KDM4C: variants seen among roughly 807,000 people sequenced by gnomAD.
KDM4C encodes the protein lysine-specific demethylase 4C.
KDM4C carries 81 observed loss-of-function variants against 129.3 expected under a neutral mutation model. The observed-to-expected ratio is 0.63, with a 90% CI of 0.52 to 0.75. The LOEUF (loss-of-function observed/expected upper bound fraction) is 0.75, where lower values mean the gene tolerates loss of function less well. Among genes scored for constraint, KDM4C ranks in the 30% least tolerant of loss-of-function variants. The pLI is 0.00. For missense variants in KDM4C, 1,457 were observed against 1,304.0 expected (o/e 1.12, Z -1.81); for synonymous variants, 573 against 456.1 (o/e 1.26, Z -3.26).
intron 17 of KDM4C, among the ~76,000 whole-genome samples, chr9:7,080,832 G>A (rs1834440973): frequency 6.6e-6 from 1 of 152,194 alleles, no homozygotes; most frequent in Admixed American, 6.5e-5. Flanking sequence ...GCGCGTTATA[G>A]TCTTCCAGAA....
intron 15 of KDM4C, among the ~76,000 whole-genome samples, chr9:7,024,404 A>G (rs1392578940): frequency 2.7e-5 from 4 of 150,146 alleles, no homozygotes; most frequent in East Asian, 2.0e-4. Context: ...ACATATGTAT[A>G]CATGTGCCAT....
intron 15 of KDM4C, among the ~76,000 whole-genome samples, chr9:7,046,532 C>G (rs1257039788): frequency 6.6e-6 from 1 of 151,968 alleles, no homozygotes; most frequent in Non-Finnish European, 1.5e-5. Context: ...CTTGCATATA[C>G]TAGGTGTGTG....
At chr9:6,923,186 A>G (rs1821850551) in intron 8 of KDM4C, among the ~76,000 whole-genome samples, 3 of 151,930 alleles carry the variant, frequency 2.0e-5, no homozygotes, top group Admixed American at 2.0e-4. Flanking sequence ...ATGGTTATAC[A>G]ATAGCTCGTT....
chr9:6,858,777 G>A (rs1296654689), intron 5 of KDM4C, among the ~76,000 whole-genome samples: 10 of 147,268 alleles, frequency 6.8e-5, no homozygotes, highest in Non-Finnish European at 1.0e-4. Context: ...CTCCCCCCCC[G>A]GCAAAAAAAA....
intron 4 of KDM4C, among the ~76,000 whole-genome samples, chr9:6,840,628 CT>C (rs1203840046): frequency 6.6e-6 from 1 of 152,148 alleles, no homozygotes; most frequent in African/African-American, 2.4e-5. Flanking sequence ...AACTTCTGAC[CT>C]TGTGATCCGC....
intron 1 of KDM4C, among the ~76,000 whole-genome samples, chr9:6,750,575 A>T (rs1818035606): frequency 6.6e-6 from 1 of 152,214 alleles, no homozygotes; most frequent in Non-Finnish European, 1.5e-5. Flanking sequence ...GGTTTCCAAA[A>T]GGAGAGGAAA....
intron 1 of KDM4C, among the ~76,000 whole-genome samples, chr9:6,726,156 T>G (rs1438561881): frequency 6.6e-6 from 1 of 152,114 alleles, no homozygotes; most frequent in East Asian, 1.9e-4. Flanking sequence ...CTCAAACTCC[T>G]CAGGCAATCC....
chr9:6,970,090 T>G (rs1296300089), intron 8 of KDM4C, among the ~76,000 whole-genome samples: 2 of 152,208 alleles, frequency 1.3e-5, no homozygotes, highest in African/African-American at 4.8e-5. Flanking sequence ...ATGCCTGAGT[T>G]TGGGGGACAA....
chr9:7,125,062 A>G (rs1421344616), intron 18 of KDM4C, among the ~76,000 whole-genome samples: 3 of 152,062 alleles, frequency 2.0e-5, no homozygotes, highest in African/African-American at 7.2e-5. Flanking sequence ...GTGGCTTCCT[A>G]GGTTCACAGA....
rs17508851 is a variant in KDM4C at position 6,771,267 on chromosome 9, G to A, written c.-18+13064G>A. Among the ~76,000 whole-genome samples the A allele has an allele frequency of 6.0e-5, 9 of 150,700 alleles. No individual in the cohort carries two copies. In the South Asian group the frequency reaches 1.1e-3, roughly 18 times the overall value. ...CTTTAGGAATAATTGGAAAGTTTGC[G>A]TATTAAATTGTCTTGAAATATGTTT... On this transcript the variant is annotated intron_variant, in intron 1 of 21. Coordinates refer to ENST00000381309, the MANE Select transcript of KDM4C (RefSeq NM_015061.6).
intron 19 of KDM4C, among the ~76,000 whole-genome samples, chr9:7,133,201 CTT>C (rs1840829514): frequency 6.6e-6 from 1 of 152,112 alleles, no homozygotes; most frequent in Non-Finnish European, 1.5e-5. Flanking sequence ...AGAATATTAA[CTT>C]TAGTATGTAG....
At position 6,990,429 on chromosome 9, in the gene KDM4C, A is replaced by G. The variant is rs1406690313; in HGVS notation, c.1691A>G (p.Glu564Gly). 6.2e-7 allele frequency: 1 copy of G among 1,611,360 alleles called. No homozygotes were observed. Among genetic ancestry groups the G allele is most frequent in the Non-Finnish European group, 8.5e-7 (1 of 1,178,510 alleles). Residue 564 changes from glutamate (E) to glycine (G), a missense_variant, in exon 12 of 22, where the codon GAG becomes GGG. Glu to Gly is a moderately conservative substitution (Grantham distance 98, BLOSUM62 -2). Transcript: ENST00000381309. Reference protein sequence around the residue: ...SFKVPSIAEGENKTSKSWRHP... With the variant: ...SFKVPSIAEGGNKTSKSWRHP... ...TTCTATAACTAGATAGCAGAGGGAG[A>G]GAACAAAACCTCTAAGAGTTGGCGC...
chr9:6,836,308 G>A (rs1202175515), intron 4 of KDM4C, among the ~76,000 whole-genome samples: 1 of 152,174 alleles, frequency 6.6e-6, no homozygotes, highest in East Asian at 1.9e-4. Flanking sequence ...GGAGGCGGAG[G>A]TTGCGGTGCG....
At chr9:7,052,892 AGAGAGAGAGC>A (rs1346914102) in intron 17 of KDM4C, among the ~76,000 whole-genome samples, 2 of 11,354 alleles carry the variant, frequency 1.8e-4, no homozygotes, top group Non-Finnish European at 3.6e-4. Flanking sequence ...AGAGAGAGAG[AGAGAGAGAGC>A]GAGCGAGTGC....
intron 1 of KDM4C, among the ~76,000 whole-genome samples, chr9:6,741,190 G>C (rs182253329): frequency 6.6e-6 from 1 of 151,850 alleles, no homozygotes; most frequent in Non-Finnish European, 1.5e-5. Flanking sequence ...GAGGTCAGGA[G>C]AATGGGAGCA....
At chr9:7,016,579 C>T (rs1037397755) in intron 15 of KDM4C, among the ~76,000 whole-genome samples, 5 of 151,924 alleles carry the variant, frequency 3.3e-5, no homozygotes, top group Non-Finnish European at 5.9e-5. Flanking sequence ...GCGCCTGCCA[C>T]CATGCCTGGC....
chr9:6,796,991 A>T (rs1256984960), intron 2 of KDM4C, among the ~76,000 whole-genome samples: 5 of 143,902 alleles, frequency 3.5e-5, no homozygotes, highest in Admixed American at 2.1e-4. Context: ...TTAATGCACT[A>T]TTTTTTTTTT....
intron 19 of KDM4C, among the ~76,000 whole-genome samples, chr9:7,153,095 A>T (rs1016678749): frequency 6.6e-6 from 1 of 152,160 alleles, no homozygotes; most frequent in Non-Finnish European, 1.5e-5. Flanking sequence ...ACTCATAAAA[A>T]TACTTTTTCT....
intron 2 of KDM4C, among the ~76,000 whole-genome samples, chr9:6,795,547 G>T (rs1588315561): frequency 1.3e-5 from 2 of 152,220 alleles, no homozygotes; most frequent in South Asian, 4.1e-4. Context: ...GGCTAGGCTG[G>T]TCTCAAACTC....
Sources: allele counts gnomAD v4.1 joint callset (sites outside exome capture counted in the v4.1 genomes callset), GRCh38; gene constraint gnomAD v4.1.1; transcripts MANE v1.5; gene names NCBI Gene and HGNC (gene_info 2026-07-23, HGNC 2026-07-21).